Variants in NFIB observed in about 807,000 individuals in gnomAD.
NFIB encodes nuclear factor I B.
NFIB carries 11 observed loss-of-function variants against 61.5 expected under a neutral mutation model. The observed-to-expected ratio is 0.18, with a 90% CI of 0.11 to 0.30. NFIB has a LOEUF of 0.30. Among genes scored for constraint, NFIB ranks in the 10% least tolerant of loss-of-function variants. The pLI, the probability that NFIB is intolerant of heterozygous loss-of-function variation, is 1.00. For missense variants in NFIB, 471 were observed against 608.9 expected, an observed-to-expected ratio of 0.77 and a Z score of 2.38; for synonymous variants, 260 against 216.5, an observed-to-expected ratio of 1.20 and a Z score of -1.76.
At chr9:14,348,910 C>A (rs1437259457) in intron 1 of NFIB, among the ~76,000 whole-genome samples, 3 of 152,310 alleles carry the variant, frequency 2.0e-5, no homozygotes, top group Admixed American at 2.0e-4. Flanking sequence ...ACATTAAAAA[C>A]AAAAAAACCT....
the NFIB span, among the ~76,000 whole-genome samples, chr9:14,422,641 C>T: frequency 2.6e-5 from 4 of 152,226 alleles, no homozygotes; most frequent in African/African-American, 9.6e-5. Flanking sequence ...ACTCAAGACA[C>T]TCCAAGGAAG....
At chr9:14,514,716 T>G in the NFIB span, among the ~76,000 whole-genome samples, 19 of 152,166 alleles carry the variant, frequency 1.2e-4, no homozygotes, top group Non-Finnish European at 2.4e-4. Context: ...TTCTTTTTAT[T>G]AGCCTCCTTG....
intron 3 of NFIB, among the ~76,000 whole-genome samples, chr9:14,164,402 T>A (rs933300133): frequency 2.6e-5 from 4 of 152,010 alleles, no homozygotes; most frequent in African/African-American, 7.2e-5. Flanking sequence ...GCTACAAACC[T>A]GTATAGCATA....
intron 2 of NFIB, among the ~76,000 whole-genome samples, chr9:14,185,605 T>C (rs1281940652): frequency 6.6e-6 from 1 of 152,160 alleles, no homozygotes; most frequent in East Asian, 1.9e-4. Flanking sequence ...ATAGCCCTAA[T>C]CTTTGGGATA....
At chr9:14,350,006 G>C (rs958068417) in intron 1 of NFIB, among the ~76,000 whole-genome samples, 2 of 152,118 alleles carry the variant, frequency 1.3e-5, no homozygotes, top group African/African-American at 2.4e-5. Flanking sequence ...TCCCTGCCTG[G>C]AAAAACTCGT....
chr9:14,171,940 A>C (rs185603323), intron 3 of NFIB, among the ~76,000 whole-genome samples: 192 of 152,364 alleles, frequency 1.3e-3, no homozygotes, highest in Non-Finnish European at 2.4e-3. Flanking sequence ...AATCTGATTA[A>C]GAAGACAGAA....
chr9:14,366,824 C>T (rs984183342), intron 1 of NFIB, among the ~76,000 whole-genome samples: 17 of 152,144 alleles, frequency 1.1e-4, no homozygotes, highest in African/African-American at 4.1e-4. Flanking sequence ...AAAAATCTGT[C>T]AGAACCCTCT....
intron 3 of NFIB, among the ~76,000 whole-genome samples, chr9:14,164,296 G>C: frequency 6.6e-6 from 1 of 152,002 alleles, no homozygotes; most frequent in Middle Eastern, 3.2e-3. Context: ...CAATTTCATG[G>C]TTGTATGAAC....
chr9:14,420,016 G>A, the NFIB span, among the ~76,000 whole-genome samples: 2 of 152,100 alleles, frequency 1.3e-5, no homozygotes, highest in African/African-American at 4.8e-5. Context: ...TTGGGGACAG[G>A]ACCTGATATA....
intron 10 of NFIB, among the ~76,000 whole-genome samples, chr9:14,098,070 G>A (rs774891645): frequency 1.3e-5 from 2 of 152,072 alleles, no homozygotes; most frequent in Non-Finnish European, 2.9e-5. Context: ...GCTAACACAT[G>A]TAACACGGAA....
intron 3 of NFIB, among the ~76,000 whole-genome samples, chr9:14,179,306 C>T (rs10119167): frequency 0.89 from 135,769 of 152,114 alleles, 61,745 homozygotes; most frequent in Non-Finnish European, 0.99. Context: ...AGTGAAAACA[C>T]AACCAACCAC....
At chr9:14,359,482 G>A (rs1020742164) in intron 1 of NFIB, among the ~76,000 whole-genome samples, 1 of 152,216 alleles carries the variant, frequency 6.6e-6, no homozygotes, top group Non-Finnish European at 1.5e-5. Context: ...CCAGAAGCTG[G>A]ATGAGAAAGA....
intron 10 of NFIB, among the ~76,000 whole-genome samples, chr9:14,107,904 C>G (rs115950846): frequency 6.6e-6 from 1 of 152,024 alleles, no homozygotes; most frequent in Non-Finnish European, 1.5e-5. Flanking sequence ...TTAAAGTTAA[C>G]GTTACATAAA....
intron 2 of NFIB, among the ~76,000 whole-genome samples, chr9:14,236,196 C>G (rs964769468): frequency 1.3e-5 from 2 of 152,128 alleles, no homozygotes; most frequent in Non-Finnish European, 2.9e-5. Flanking sequence ...AAATTGGCAT[C>G]TTTATGAATT....
At chr9:14,283,364 C>T (rs1489719639) in intron 2 of NFIB, among the ~76,000 whole-genome samples, 1 of 152,184 alleles carries the variant, frequency 6.6e-6, no homozygotes, top group Non-Finnish European at 1.5e-5. Flanking sequence ...CTATGCAAAT[C>T]AAAACTGTGG....
chr9:14,341,978 A>T (rs1228245967), intron 1 of NFIB, among the ~76,000 whole-genome samples: 1 of 152,222 alleles, frequency 6.6e-6, no homozygotes, highest in East Asian at 1.9e-4. Flanking sequence ...GACAAGGTCA[A>T]AATACCAAGA....
chr9:14,403,095 G>A (rs1295927093), upstream of NFIB, among the ~76,000 whole-genome samples: 1 of 152,148 alleles, frequency 6.6e-6, no homozygotes, highest in Non-Finnish European at 1.5e-5. Flanking sequence ...CTTATGCATT[G>A]TTTGAGCAGA....
At chr9:14,402,916 A>C (rs1272933671), upstream of NFIB, among the ~76,000 whole-genome samples, 2 of 152,214 alleles carry the variant, frequency 1.3e-5, no homozygotes, top group Non-Finnish European at 2.9e-5. Flanking sequence ...ATCCTGCAAC[A>C]AAAAGTAGTC....
At chr9:14,244,367 G>A (rs1307256840) in intron 2 of NFIB, among the ~76,000 whole-genome samples, 1 of 152,204 alleles carries the variant, frequency 6.6e-6, no homozygotes, top group Non-Finnish European at 1.5e-5. Flanking sequence ...TACCAGTGCA[G>A]TCAGATATAT....
Sources: gnomAD v4.1 joint callset for allele counts (sites outside exome capture counted in the v4.1 genomes callset) on GRCh38, gnomAD v4.1.1 for gene constraint, MANE v1.5 for transcripts, NCBI Gene and HGNC (gene_info 2026-07-23, HGNC 2026-07-21) for gene names.